CENPM: variants seen among roughly 807,000 people sequenced by gnomAD.
The protein encoded by CENPM is centromere protein M, also known as interphase centromere complex protein 39.
Under a neutral mutation model 19.6 loss-of-function variants are expected in CENPM, and 14 were observed. That is an observed-to-expected ratio of 0.71 (90% CI 0.47 to 1.11). The LOEUF (loss-of-function observed/expected upper bound fraction) is 1.11, where lower values mean the gene tolerates loss of function less well. Ranked by LOEUF, CENPM falls within the 50% of genes most tolerant of loss-of-function variation. The pLI, the probability that CENPM is intolerant of heterozygous loss-of-function variation, is 0.00. For missense variants in CENPM, 239 were observed against 228.4 expected (o/e 1.05, Z -0.30); for synonymous variants, 114 against 101.5 (o/e 1.12, Z -0.74).
Position 41,947,054 on chromosome 22 carries a change from T to C in CENPM, c.23A>G (p.Asp8Gly). 6.2e-7 allele frequency: 1 copy of C among 1,612,880 alleles called. No individual in the cohort carries two copies. The highest frequency in any genetic ancestry group is 1.1e-5 in the South Asian group (1 of 91,084). Residue 8 changes from aspartate to glycine, a missense_variant, in exon 1 of 6, where the codon GAC (aspartate) becomes GGC (glycine). Transcript: ENST00000215980. The part of the protein sequence containing the change: MSVLRPL[D>G]KLPGLNTATI... ...GGCCGTGTTCAGGCCGGGCAGCTTGTCCAGGGGCCTCAACACCGACATCAC... is the reference window on the plus strand; with the variant it reads ...GGCCGTGTTCAGGCCGGGCAGCTTGCCCAGGGGCCTCAACACCGACATCAC...
chr22:41,934,006 G>T (rs140889940), downstream of CENPM, among the ~76,000 whole-genome samples: 302 of 152,354 alleles, frequency 2.0e-3, no homozygotes, highest in African/African-American at 6.8e-3. Flanking sequence ...GAAAAGGGGG[G>T]CAGGCAGTGG....
chr22:41,943,603 T>G lies in CENPM; in HGVS notation c.402+7A>C. On this transcript the variant is annotated splice_region_variant and intron_variant, in intron 5 of 5. Transcript: ENST00000215980. ...ATAGTGTTGGTCTCTGTGATCAGCA[T>G]GCTCACCTCCAGGTCACAGTAGAGC... 2.5e-6 allele frequency: 4 copies of G among 1,612,136 alleles called. No individual in the cohort carries two copies.
rs141949564 is a variant in CENPM at position 41,946,108 on chromosome 22, A to G, written c.138-103T>C. ...GGAAAGAGGCCGTCAAGGGCTCCCC[A>G]CCTCATCCTAGCCACCCGAGGCTCT... On this transcript the variant is annotated intron_variant, in intron 2 of 5. Transcript: ENST00000215980. 3.4e-3 allele frequency: 3,469 copies of G among 1,023,718 alleles called. 13 individuals carry two copies. The highest frequency in any genetic ancestry group is 4.7e-3 in the Non-Finnish European group (3,187 of 677,690). 63.4% of individuals were successfully genotyped at this position (1,023,718 alleles called of 1,614,324 possible).
chr22:41,935,072 C>T (rs1408089632), downstream of CENPM, among the ~76,000 whole-genome samples: 2 of 152,264 alleles, frequency 1.3e-5, no homozygotes, highest in African/African-American at 2.4e-5. Flanking sequence ...AGGCCAGCCC[C>T]CAACTCTAGA....
intron 1 of CENPM, 50 bp from the exon 2 acceptor site, chr22:41,946,546 T>TG: frequency 1.3e-6 from 2 of 1,524,146 alleles, no homozygotes; most frequent in Non-Finnish European, 1.8e-6. Flanking sequence ...CAGCACCCCC[T>TG]GGGGAGGGCC....
downstream of CENPM, among the ~76,000 whole-genome samples, chr22:41,934,789 C>A (rs915739469): frequency 6.6e-6 from 1 of 152,216 alleles, no homozygotes; most frequent in African/African-American, 2.4e-5. Flanking sequence ...GGGTGAGTGA[C>A]CTGCCTGAGG....
At chr22:41,939,339 C>A in intron 5 of CENPM, 143 bp from the exon 6 acceptor site, 2 of 967,138 alleles carry the variant, frequency 2.1e-6, no homozygotes, top group Non-Finnish European at 3.0e-6. Flanking sequence ...ACAGCCACGC[C>A]CTCATTCATG....
At chr22:41,946,544 C>T (rs761380252) in intron 1 of CENPM, 48 bp from the exon 2 acceptor site, 92 of 1,535,678 alleles carry the variant, frequency 6.0e-5, no homozygotes, top group Non-Finnish European at 9.9e-6. Context: ...CACAGCACCC[C>T]CTGGGGAGGG....
At chr22:41,929,563 A>G in the CENPM span, among the ~76,000 whole-genome samples, 1 of 152,170 alleles carries the variant, frequency 6.6e-6, no homozygotes, top group African/African-American at 2.4e-5. Flanking sequence ...AAGGCCAGAG[A>G]GAGTGGGAGG....
chr22:41,945,201 G>A (rs200921314), intron 4 of CENPM, 24 bp downstream of exon 4: 17 of 1,613,886 alleles, frequency 1.1e-5, no homozygotes, highest in Admixed American at 1.7e-5. Flanking sequence ...GGGGTGGGCA[G>A]TAACAGGCGA....
the CENPM span, among the ~76,000 whole-genome samples, chr22:41,929,729 G>T: frequency 6.6e-6 from 1 of 151,210 alleles, no homozygotes; most frequent in Non-Finnish European, 1.5e-5. Context: ...GGGACAAAAG[G>T]CCTGCGGGAT....
chr22:41,932,740 G>A, the CENPM span, among the ~76,000 whole-genome samples: 3 of 152,334 alleles, frequency 2.0e-5, no homozygotes, highest in African/African-American at 7.2e-5. The surrounding 1 kb of genome is among the most constrained non-coding windows in gnomAD (Gnocchi z 4.3). Context: ...GAGGGAGGCT[G>A]TAAGGCCAGG....
chr22:41,943,607 C>T lies in CENPM; in HGVS notation c.402+3G>A. On this transcript the variant is annotated splice_donor_region_variant and intron_variant, in intron 5 of 5. Transcript: ENST00000215980. ...TGTTGGTCTCTGTGATCAGCATGCTCACCTCCAGGTCACAGTAGAGCAGGG... is the reference window on the plus strand; with the variant it reads ...TGTTGGTCTCTGTGATCAGCATGCTTACCTCCAGGTCACAGTAGAGCAGGG... The T allele has an allele frequency of 1.2e-6, 2 of 1,612,310 alleles. No individual in the cohort carries two copies. The highest frequency in any genetic ancestry group is 4.5e-5 in the East Asian group (2 of 44,844).
In CENPM at chr22:41,939,091, TCAGCAGGGA is replaced by T. The variant is rs1184386568; in HGVS notation, c.499_507del (p.Ser167_Leu169del). 1 of 1,613,012 alleles carries T rather than the reference TCAGCAGGGA, an allele frequency of 6.2e-7. No homozygotes were observed. Among genetic ancestry groups the T allele is most frequent in the South Asian group, 1.1e-5 (1 of 91,078 alleles). ...TCCAGGGAGGGGCCCTCAGAGCTTC[TCAGCAGGGA>T]CAGCAGGTTCAGAGCTGAGACACCG... On this transcript the variant is annotated inframe_deletion, in exon 6 of 6. Coordinates refer to ENST00000215980, the MANE Select transcript of CENPM (RefSeq NM_024053.5).
At chr22:41,927,599 AAGCG>A in the CENPM span, among the ~76,000 whole-genome samples, 1 of 147,800 alleles carries the variant, frequency 6.8e-6, no homozygotes, top group Non-Finnish European at 1.5e-5. Flanking sequence ...TCCCAGATTC[AAGCG>A]ATTCTCCTGC....
the CENPM span, chr22:41,928,248 C>T: frequency 5.3e-5 from 16 of 303,216 alleles, no homozygotes; most frequent in Non-Finnish European, 9.3e-5. The surrounding 1 kb of genome is among the most constrained non-coding windows in gnomAD (Gnocchi z 4.0). Context: ...GGCTATGTGT[C>T]CTCTCCTGCT....
rs371126589 is a variant in CENPM at position 41,939,850 on chromosome 22, AAGAAAGAAAGAAAGAAAG to A, written c.403-672_403-655del. 3.1e-3 allele frequency among the ~76,000 whole-genome samples: 97 copies of A among 31,324 alleles called. 1 individual carries two copies. The highest frequency in any genetic ancestry group is 8.1e-3 in the East Asian group (9 of 1,112). 20.5% of individuals were successfully genotyped at this position (31,324 alleles called of 152,430 possible). A position where few individuals can be genotyped will look rare whatever the true frequency, so the allele number is the denominator to read the frequency against. ...AGAAAGAAAGAAAGAAAAAGAAAGA[AAGAAAGAAAGAAAGAAAG>A]AAAGAAAGAAAAAGAAAGAAAGAAA... On this transcript the variant is annotated intron_variant, in intron 5 of 5. Transcript: ENST00000215980.
chr22:41,946,749 A>AC, intron 1 of CENPM: 2 of 598,040 alleles, frequency 3.3e-6, no homozygotes, highest in South Asian at 2.0e-5. Flanking sequence ...AGGAGGCCAG[A>AC]CCCCCAGACG....
intron 5 of CENPM, among the ~76,000 whole-genome samples, chr22:41,940,639 G>T (rs1196140055): frequency 2.6e-5 from 4 of 152,046 alleles, no homozygotes; most frequent in Non-Finnish European, 5.9e-5. Context: ...TTCCACCTCG[G>T]CCTCCCTAGG....
Sources: gnomAD v4.1 joint callset for allele counts (sites outside exome capture counted in the v4.1 genomes callset) on GRCh38, gnomAD v4.1.1 for gene constraint, Gnocchi (gnomAD v3.1) non-coding constraint, MANE v1.5 for transcripts, NCBI Gene and HGNC (gene_info 2026-07-23, HGNC 2026-07-21) for gene names.